Variants in FBN1 observed in about 807,000 individuals in gnomAD.
The protein encoded by FBN1 is fibrillin 1.
Under a neutral mutation model 365.1 loss-of-function variants are expected in FBN1, and 29 were observed. That is an observed-to-expected ratio of 0.08 (90% CI 0.06 to 0.11). The LOEUF (loss-of-function observed/expected upper bound fraction) is 0.11. Among genes scored for constraint, FBN1 ranks in the 10% least tolerant of loss-of-function variants. The pLI is 1.00. For synonymous variants in FBN1, 1,210 were observed against 1,270.5 expected, an observed-to-expected ratio of 0.95 and a Z score of 1.01; for missense variants, 2,476 against 3,703.2, an observed-to-expected ratio of 0.67 and a Z score of 8.60.
chr15:48,591,841 A>G (rs1461657578), intron 6 of FBN1, among the ~76,000 whole-genome samples: 3 of 151,370 alleles, frequency 2.0e-5, no homozygotes, highest in Non-Finnish European at 4.4e-5. Context: ...TTTCCAGTGA[A>G]GTCCAAGTAC....
chr15:48,500,087 C>T (rs1297732709), intron 17 of FBN1, among the ~76,000 whole-genome samples: 1 of 152,128 alleles, frequency 6.6e-6, no homozygotes, highest in East Asian at 1.9e-4. Context: ...AATTTTCAAA[C>T]CATCTTAGAA....
At chr15:48,446,171 T>C (rs749949232) in intron 47 of FBN1, among the ~76,000 whole-genome samples, 2 of 152,152 alleles carry the variant, frequency 1.3e-5, no homozygotes, top group Non-Finnish European at 2.9e-5. Flanking sequence ...TTAATAAAAG[T>C]AATGGATATA....
chr15:48,461,064 T>C (rs2043276797), intron 42 of FBN1, among the ~76,000 whole-genome samples: 1 of 152,202 alleles, frequency 6.6e-6, no homozygotes, highest in African/African-American at 2.4e-5. Context: ...TCACGCTCAG[T>C]GAAAATCAGT....
chr15:48,549,177 A>G (rs187128304), intron 6 of FBN1, among the ~76,000 whole-genome samples: 19 of 152,330 alleles, frequency 1.2e-4, no homozygotes, highest in Non-Finnish European at 2.1e-4. Flanking sequence ...TCTTAACTTG[A>G]AGACCACAAT....
chr15:48,622,876 T>C (rs1043692925), intron 2 of FBN1, among the ~76,000 whole-genome samples: 2 of 152,194 alleles, frequency 1.3e-5, no homozygotes, highest in Non-Finnish European at 1.5e-5. Context: ...AGCTCTTCCA[T>C]CTTTCCATTT....
intron 6 of FBN1, among the ~76,000 whole-genome samples, chr15:48,543,973 T>C (rs893468737): frequency 4.0e-5 from 6 of 151,896 alleles, no homozygotes; most frequent in African/African-American, 1.4e-4. Flanking sequence ...ATATTCTATA[T>C]ACACATATAT....
intron 6 of FBN1, among the ~76,000 whole-genome samples, chr15:48,586,216 A>T (rs1047043743): frequency 1.3e-5 from 2 of 152,218 alleles, no homozygotes; most frequent in Admixed American, 1.3e-4. Context: ...TGTAATCCTT[A>T]AAGTGAATGG....
At chr15:48,452,725 C>T (rs2043210961) in intron 44 of FBN1, 41 bp from the exon 45 acceptor site, 1 of 1,612,680 alleles carries the variant, frequency 6.2e-7, no homozygotes, top group Non-Finnish European at 8.5e-7. Context: ...AGAACAGAAT[C>T]TGGTGTCCAG....
chr15:48,636,420 TG>T (rs1170330468), intron 2 of FBN1, among the ~76,000 whole-genome samples: 3 of 152,106 alleles, frequency 2.0e-5, no homozygotes, highest in Non-Finnish European at 4.4e-5. Flanking sequence ...GGTCAATATG[TG>T]GGATTAACAC....
chr15:48,465,499 C>A (rs2043313190), intron 40 of FBN1, 69 bp downstream of exon 40: 2 of 1,569,080 alleles, frequency 1.3e-6, no homozygotes, highest in South Asian at 1.1e-5. Context: ...TTCCTAGTAA[C>A]CATATTCTGG....
chr15:48,548,338 A>AC (rs1040581595), intron 6 of FBN1, among the ~76,000 whole-genome samples: 2 of 152,180 alleles, frequency 1.3e-5, no homozygotes, highest in African/African-American at 4.8e-5. Context: ...GCAAATATTC[A>AC]TCCTGCTCTT....
At chr15:48,621,301 C>A (rs750687114) in intron 2 of FBN1, among the ~76,000 whole-genome samples, 2 of 152,162 alleles carry the variant, frequency 1.3e-5, no homozygotes, top group Non-Finnish European at 2.9e-5. Context: ...AAAATCCTGA[C>A]AAATCCTATC....
At chr15:48,537,849 G>A (rs993908279) in intron 6 of FBN1, 41 bp from the exon 7 acceptor site, 40 of 1,598,534 alleles carry the variant, frequency 2.5e-5, no homozygotes, top group Non-Finnish European at 3.4e-5. Context: ...ATCCAGAAAA[G>A]CAGGAACCAT....
chr15:48,453,677 C>T (rs528270543), intron 44 of FBN1, among the ~76,000 whole-genome samples: 9 of 151,970 alleles, frequency 5.9e-5, no homozygotes, highest in East Asian at 1.9e-4. Context: ...ATGATGTCAA[C>T]GGAGATTCAA....
chr15:48,432,489 A>C (rs1188407094), intron 55 of FBN1, among the ~76,000 whole-genome samples: 1 of 152,206 alleles, frequency 6.6e-6, no homozygotes, highest in African/African-American at 2.4e-5. Context: ...TTTTGTATAT[A>C]TAATCACCAT....
intron 2 of FBN1, among the ~76,000 whole-genome samples, chr15:48,623,128 G>A (rs1422357999): frequency 6.6e-6 from 1 of 152,118 alleles, no homozygotes; most frequent in Non-Finnish European, 1.5e-5. Flanking sequence ...CTATCCTGGA[G>A]TCTATTTAGA....
chr15:48,575,147 C>G (rs2044335365), intron 6 of FBN1, among the ~76,000 whole-genome samples: 1 of 152,160 alleles, frequency 6.6e-6, no homozygotes, highest in Non-Finnish European at 1.5e-5. Flanking sequence ...AGAGATGGCC[C>G]CTGCCCACAA....
chr15:48,422,393 T>C (rs924030102), intron 60 of FBN1, among the ~76,000 whole-genome samples: 1 of 152,230 alleles, frequency 6.6e-6, no homozygotes, highest in African/African-American at 2.4e-5. Flanking sequence ...AATTTTTAAA[T>C]GAAGCGAAAG....
chr15:48,544,637 G>A (rs563802866), intron 6 of FBN1, among the ~76,000 whole-genome samples: 1 of 152,250 alleles, frequency 6.6e-6, no homozygotes, highest in East Asian at 1.9e-4. Context: ...TAGTTCTGTG[G>A]GACCCAATTA....
Sources: allele counts gnomAD v4.1 joint callset (sites outside exome capture counted in the v4.1 genomes callset), GRCh38; gene constraint gnomAD v4.1.1; transcripts MANE v1.5; gene names NCBI Gene and HGNC (gene_info 2026-07-23, HGNC 2026-07-21).